The following CTTN variants were observed in gnomAD, a reference collection of about 807,000 sequenced individuals.
CTTN encodes the protein cortactin.
CTTN carries 28 observed loss-of-function variants against 84.0 expected under a neutral mutation model. The observed-to-expected ratio is 0.33, with a 90% CI of 0.25 to 0.46. The LOEUF (loss-of-function observed/expected upper bound fraction) is 0.46. Among genes scored for constraint, CTTN ranks in the 20% least tolerant of loss-of-function variants. The probability of loss-of-function intolerance (pLI) is 1.00; values close to 1 mark genes in which losing one functional copy is unlikely to be tolerated. For missense variants in CTTN, 641 were observed against 723.8 expected (o/e 0.89, Z 1.31); for synonymous variants, 301 against 288.8 (o/e 1.04, Z -0.43).
chr11:70,430,687 G>C (rs191135361), intron 14 of CTTN, among the ~76,000 whole-genome samples: 274 of 152,328 alleles, frequency 1.8e-3, no homozygotes, highest in Non-Finnish European at 3.3e-3. Context: ...GGCCCCTAAA[G>C]CTTCATGTCC....
chr11:70,416,922 G>GT (rs2058168860), intron 7 of CTTN, 91 bp from the exon 8 acceptor site: 2 of 874,278 alleles, frequency 2.3e-6, no homozygotes, highest in Non-Finnish European at 3.9e-6. Context: ...TTTGTGAGTT[G>GT]TAACCCCTAC....
chr11:70,418,671 C>A (rs1419080521), intron 8 of CTTN, among the ~76,000 whole-genome samples: 1 of 152,180 alleles, frequency 6.6e-6, no homozygotes, highest in African/African-American at 2.4e-5. Context: ...GAAAGCCTTG[C>A]CCTTCTGCTG....
At position 70,422,453 on chromosome 11, in the gene CTTN, A is replaced by G. The variant is rs2058248494; in HGVS notation, c.902-487A>G. 4.1e-6 allele frequency: 5 copies of G among 1,224,930 alleles called. No individual in the cohort carries two copies. The South Asian group carries it at 5.0e-5, about 12-fold the overall frequency. The allele number at this position is 1,224,930 out of a possible 1,614,324, so 75.9% of individuals were successfully genotyped here. A position where few individuals can be genotyped will look rare whatever the true frequency, so the allele number is the denominator to read the frequency against. ...TTTCATGTGGATCTGTGTTGCTGCAACGGAAGTCTTTGGCTGGTAGAATTT... is the reference window on the plus strand; with the variant it reads ...TTTCATGTGGATCTGTGTTGCTGCAGCGGAAGTCTTTGGCTGGTAGAATTT... On this transcript the variant is annotated intron_variant, in intron 11 of 17. Transcript: ENST00000301843.
intron 4 of CTTN, among the ~76,000 whole-genome samples, chr11:70,409,204 G>A (rs552793144): frequency 1.3e-5 from 2 of 152,144 alleles, no homozygotes; most frequent in Admixed American, 6.5e-5. Flanking sequence ...CAGAAAGTCC[G>A]AATGCCAAAG....
chr11:70,419,225 C>T (rs958406834), intron 8 of CTTN, among the ~76,000 whole-genome samples: 2 of 151,692 alleles, frequency 1.3e-5, no homozygotes, highest in African/African-American at 4.8e-5. Context: ...ATTCTTCTGC[C>T]TCAGCCTCCC....
chr11:70,435,764 C>G lies in CTTN; in HGVS notation c.*602C>G. ...GATCAGGTGACTTCTAGCAGAGACC[C>G]TGGTTTTTTTCCTGTGCCCACTCCG... On this transcript the variant is annotated 3_prime_UTR_variant, in exon 18 of 18. Coordinates refer to ENST00000301843, the MANE Select transcript of CTTN (RefSeq NM_005231.4). 2 of 1,595,742 alleles carry G rather than the reference C, an allele frequency of 1.3e-6. No homozygotes were observed. Among genetic ancestry groups the G allele is most frequent in the Non-Finnish European group, 1.7e-6 (2 of 1,178,992 alleles).
chr11:70,415,642 A>C, intron 6 of CTTN, 21 bp from the exon 7 acceptor site: 2 of 1,608,154 alleles, frequency 1.2e-6, no homozygotes, highest in East Asian at 2.2e-5. Context: ...CCACTTTTTC[A>C]TGTGTTTTTG....
At chr11:70,415,524 C>G in intron 6 of CTTN, 139 bp from the exon 7 acceptor site, 1 of 809,540 alleles carries the variant, frequency 1.2e-6, no homozygotes, top group East Asian at 2.5e-5. Flanking sequence ...GCCACCTGCA[C>G]CTGGCTTAGG....
intron 17 of CTTN, 110 bp downstream of exon 17, chr11:70,433,828 A>G: frequency 1.3e-6 from 1 of 778,542 alleles, no homozygotes. Context: ...GAAGTAATTT[A>G]TGTTGAGATA....
At chr11:70,405,524 G>C (rs2058032058) in intron 2 of CTTN, among the ~76,000 whole-genome samples, 163 bp downstream of exon 2, 1 of 152,130 alleles carries the variant, frequency 6.6e-6, no homozygotes. Context: ...ATAAAGTCAG[G>C]TTTCTGTTGC....
chr11:70,425,599 G>A (rs550257815), intron 13 of CTTN, among the ~76,000 whole-genome samples, 198 bp downstream of exon 13: 2 of 152,166 alleles, frequency 1.3e-5, no homozygotes, highest in African/African-American at 2.4e-5. Flanking sequence ...CCTTTTAGAC[G>A]CAGCATGGTG....
intron 1 of CTTN, among the ~76,000 whole-genome samples, chr11:70,400,461 C>T (rs962692955): frequency 6.6e-6 from 1 of 152,008 alleles, no homozygotes; most frequent in Admixed American, 6.5e-5. Flanking sequence ...GACCCTGTCA[C>T]CCAGGCTGGA....
intron 1 of CTTN, among the ~76,000 whole-genome samples, chr11:70,403,708 G>A (rs2058012733): frequency 6.6e-6 from 1 of 151,996 alleles, no homozygotes; most frequent in African/African-American, 2.4e-5. Flanking sequence ...TTTTCTGTAT[G>A]GTTTTGAGGT....
chr11:70,417,181 C>A, intron 8 of CTTN, 58 bp downstream of exon 8: 2 of 1,258,798 alleles, frequency 1.6e-6, no homozygotes, highest in Non-Finnish European at 1.2e-6. Context: ...CCCACGAGGG[C>A]ATTTTCTCTC....
intron 13 of CTTN, among the ~76,000 whole-genome samples, chr11:70,426,745 C>A (rs577782114): frequency 1.3e-5 from 2 of 151,876 alleles, no homozygotes; most frequent in East Asian, 4.0e-4. Flanking sequence ...CCTGCCACCA[C>A]GCCCGGCTAA....
In CTTN at chr11:70,436,019, T is replaced by C; in HGVS notation, c.*857T>C. The C allele has an allele frequency of 7.0e-7, 1 of 1,426,416 alleles. No homozygotes were observed. 88.4% of individuals were successfully genotyped at this position (1,426,416 alleles called of 1,614,324 possible). On this transcript the variant is annotated 3_prime_UTR_variant, in exon 18 of 18. Transcript: ENST00000301843. The stretch of plus-strand genomic sequence containing the variant: ...ATGGTCCCTGGGCCACCGGGCAGCC[T>C]GGGGCGGTGTGTGTGCCATGTCACA...
chr11:70,423,673 G>T (rs955044387), intron 12 of CTTN, among the ~76,000 whole-genome samples: 1 of 152,210 alleles, frequency 6.6e-6, no homozygotes, highest in African/African-American at 2.4e-5. Flanking sequence ...GGCCTGGGTG[G>T]GACAGGAGTC....
At chr11:70,414,755 C>G in intron 6 of CTTN, 103 bp downstream of exon 6, 1 of 802,416 alleles carries the variant, frequency 1.2e-6, no homozygotes, top group South Asian at 1.6e-5. Flanking sequence ...CAGGTGCCCT[C>G]CAGCTCTGGG....
At chr11:70,431,713 A>G (rs2135596064) in intron 15 of CTTN, among the ~76,000 whole-genome samples, 1 of 151,924 alleles carries the variant, frequency 6.6e-6, no homozygotes, top group African/African-American at 2.4e-5. Context: ...TGCCCCATTC[A>G]GCTCTCCAGC....
Sources: gnomAD v4.1 joint callset for allele counts (sites outside exome capture counted in the v4.1 genomes callset) on GRCh38, gnomAD v4.1.1 for gene constraint, MANE v1.5 for transcripts, NCBI Gene and HGNC (gene_info 2026-07-23, HGNC 2026-07-21) for gene names.